HADHA: variants seen among roughly 807,000 people sequenced by gnomAD.
The protein encoded by HADHA is trifunctional enzyme subunit alpha, mitochondrial.
A neutral mutation model predicts 91.3 loss-of-function variants in HADHA; 59 were observed. That is an observed-to-expected ratio of 0.65 (90% CI 0.52 to 0.80). HADHA has a LOEUF of 0.80. Ranked by LOEUF, HADHA falls within the 30% of genes least tolerant of loss-of-function variation. HADHA has a pLI of 0.00. For missense variants in HADHA, 800 were observed against 927.6 expected, an observed-to-expected ratio of 0.86 and a Z score of 1.79; for synonymous variants, 320 against 338.9, an observed-to-expected ratio of 0.94 and a Z score of 0.61.
Position 26,232,254 on chromosome 2 carries a change from A to ATT in HADHA, c.477_478dup (p.Ile160LysfsTer2), listed in dbSNP as rs1558329269. Reference sequence around the variant, plus strand: ...TACTGTTTTTCTGTCTTTTGTTGCTATTCTGTATTGGCATGAAATGGCAAC... The same window carrying ATT: ...TACTGTTTTTCTGTCTTTTGTTGCTATTTTCTGTATTGGCATGAAATGGCAAC... On this transcript the variant is annotated frameshift_variant, in exon 6 of 20. Transcript: ENST00000380649. LOFTEE classifies it high-confidence loss of function. 1.2e-6 allele frequency: 2 copies of ATT among 1,602,972 alleles called. No homozygotes were observed. The highest frequency in any genetic ancestry group is 1.7e-6 in the Non-Finnish European group (2 of 1,169,946).
At position 26,191,465 on chromosome 2, in the gene HADHA, C is replaced by A. The variant is rs200961004; in HGVS notation, c.2146+18G>T. On this transcript the variant is annotated intron_variant, in intron 19 of 19. Transcript: ENST00000380649. Reference sequence around the variant, plus strand: ...CTCCAGGCTAAAGTGAGCTTCCTTCCCAACCTGCGAGACCAACCTCCCAGA... The same window carrying A: ...CTCCAGGCTAAAGTGAGCTTCCTTCACAACCTGCGAGACCAACCTCCCAGA... 6.2e-7 allele frequency: 1 copy of A among 1,614,194 alleles called. No individual in the cohort carries two copies. The highest frequency in any genetic ancestry group is 8.5e-7 in the Non-Finnish European group (1 of 1,180,040).
At position 26,223,993 on chromosome 2, in the gene HADHA, C is replaced by T. The variant is rs1415806291; in HGVS notation, c.676+6199G>A. On this transcript the variant is annotated intron_variant, in intron 7 of 19. Coordinates refer to ENST00000380649, the MANE Select transcript of HADHA (RefSeq NM_000182.5). ...AACTCCTGACCTCAGGTGATCTGCC[C>T]GCCTTGGCCTCCCAAAGTGCTGGTA... is the stretch of plus-strand genomic sequence containing the variant. Among the ~76,000 whole-genome samples, 8 of 152,194 alleles carry T rather than the reference C, an allele frequency of 5.3e-5. No individual in the cohort carries two copies. The East Asian group carries it at 9.6e-4, about 18-fold the overall frequency.
rs267599302 is a variant in HADHA, at chr2:26,191,523, G to A, written c.2106C>T (p.Ile702=). The A allele has an allele frequency of 1.1e-5, 17 of 1,614,060 alleles. No homozygotes were observed. The highest frequency in any genetic ancestry group is 9.3e-5 in the African/African-American group (7 of 74,936). ...GILATPAEGD[I]GAVFGLGFPP... is the part of the protein sequence containing the mutation. ...GGAAGCCAAGCCCAAAGACGGCTCC[G>A]ATGTCTCCCTCTGCAGGTGTGGCCA... is the stretch of plus-strand genomic sequence containing the variant. The change falls in exon 19 of 20, where the codon ATC becomes ATT. Residue 702 remains isoleucine, a synonymous_variant. Transcript: ENST00000380649.
chr2:26,230,296 T>A lies in HADHA; in HGVS notation c.574-2A>T. ...GTCCAAAGCAGCAGGCACACCCACCTAACAGGCAAGCAAGGATGAGAATAT... is the reference window on the plus strand; with the variant it reads ...GTCCAAAGCAGCAGGCACACCCACCAAACAGGCAAGCAAGGATGAGAATAT... On this transcript the variant is annotated splice_acceptor_variant, in intron 6 of 19. Coordinates refer to ENST00000380649, the MANE Select transcript of HADHA (RefSeq NM_000182.5). LOFTEE classifies it high-confidence loss of function. The A allele has an allele frequency of 6.3e-7, 1 of 1,592,926 alleles. No homozygotes were observed. The highest frequency in any genetic ancestry group is 8.6e-7 in the Non-Finnish European group (1 of 1,160,916).
chr2:26,201,788 C>CT lies in HADHA; in HGVS notation c.1221-469dup, dbSNP rs112691372. Among the ~76,000 whole-genome samples, 418 of 145,118 alleles carry CT rather than the reference C, an allele frequency of 2.9e-3. 2 individuals carry two copies. Among genetic ancestry groups the CT allele is most frequent in the South Asian group, 0.012 (55 of 4,600 alleles). On this transcript the variant is annotated intron_variant, in intron 12 of 19. Coordinates refer to ENST00000380649, the MANE Select transcript of HADHA (RefSeq NM_000182.5). The stretch of plus-strand genomic sequence containing the variant: ...TTTTATGTTATTCTGTAGTTGTAAT[C>CT]TTTTTTTTTTTTTATTTATTTTTTG...
At chr2:26,218,984 G>T (rs1670303110) in intron 7 of HADHA, among the ~76,000 whole-genome samples, 1 of 104,582 alleles carries the variant, frequency 9.6e-6, no homozygotes, top group Non-Finnish European at 1.8e-5. Context: ...TCCAGCCTGG[G>T]CAACAGAGCA....
Position 26,214,552 on chromosome 2 carries a change from G to T in HADHA, c.809C>A (p.Ala270Glu). ...GACAAATGGAATAGTCATGGCATAC[G>T]CTGTCAATTCTGTAAAATAAAATGC... Reference protein sequence around the residue: ...RDKGLVEKLTAYAMTIPFVRQ... With the variant: ...RDKGLVEKLTEYAMTIPFVRQ... Residue 270 changes from alanine (A) to glutamate (E), a missense_variant, in exon 9 of 20, where the codon GCG becomes GAG. By Grantham distance (107) the Ala-to-Glu change is moderately radical. Coordinates refer to ENST00000380649, the MANE Select transcript of HADHA (RefSeq NM_000182.5). The surrounding 1 kb of genome is among the most constrained non-coding windows in gnomAD (Gnocchi z 4.1). The T allele has an allele frequency of 1.3e-6, 2 of 1,557,036 alleles. No homozygotes were observed. The highest frequency in any genetic ancestry group is 1.8e-6 in the Non-Finnish European group (2 of 1,128,196).
Position 26,191,315 on chromosome 2 carries a change from G to C in HADHA, c.2227C>G (p.Gln743Glu), listed in dbSNP as rs1353055974. The C allele has an allele frequency of 7.4e-6, 12 of 1,613,764 alleles. No homozygotes were observed. The highest frequency in any genetic ancestry group is 9.3e-6 in the Non-Finnish European group (11 of 1,180,008). The change falls in exon 20 of 20, where the codon CAG becomes GAG. Residue 743 changes from glutamine to glutamate, a missense_variant. Gln to Glu is a conservative substitution (Grantham distance 29). Coordinates refer to ENST00000380649, the MANE Select transcript of HADHA (RefSeq NM_000182.5). ...LKKYEAAYGKQFTPCQLLADH... is the reference protein window; with the variant it reads ...LKKYEAAYGKEFTPCQLLADH... Reference sequence around the variant, plus strand: ...GCTAGCAGCTGGCATGGGGTGAACTGTTTTCCATAGGCAGCTTCATATTTC... The same window carrying C: ...GCTAGCAGCTGGCATGGGGTGAACTCTTTTCCATAGGCAGCTTCATATTTC...
chr2:26,195,338 T>A lies in HADHA; in HGVS notation c.1480-106A>T, dbSNP rs559155673. The A allele has an allele frequency of 3.1e-6, 3 of 964,142 alleles. No individual in the cohort carries two copies. In the African/African-American group the frequency reaches 4.8e-5, roughly 15 times the overall value. The allele number at this position is 964,142 out of a possible 1,614,324, so 59.7% of individuals were successfully genotyped here. A position where few individuals can be genotyped will look rare whatever the true frequency, so the allele number is the denominator to read the frequency against. On this transcript the variant is annotated intron_variant, in intron 14 of 19. Transcript: ENST00000380649. The stretch of plus-strand genomic sequence containing the variant: ...ACTAGAAAGAAAGGTGGCTGTGATA[T>A]AGGAATACTGCTTGACATAGCTGAG...
In HADHA at chr2:26,193,456, G is replaced by A. The variant is rs757719285; in HGVS notation, c.1885+121C>T. The A allele has an allele frequency of 1.4e-4, 119 of 873,870 alleles. No individual in the cohort carries two copies. The Middle Eastern group carries it at 3.7e-3, about 27-fold the overall frequency. The allele number at this position is 873,870 out of a possible 1,614,324, so 54.1% of individuals were successfully genotyped here. On this transcript the variant is annotated intron_variant, in intron 17 of 19. Coordinates refer to ENST00000380649, the MANE Select transcript of HADHA (RefSeq NM_000182.5). ...TAAAATCATTTTTGAAATCGCCAGT[G>A]ATAAGGGCTCTGTGTTTAGAAAACT...
At position 26,217,857 on chromosome 2, in the gene HADHA, T is replaced by C. The variant is rs1670277892; in HGVS notation, c.677-2682A>G. 3.9e-5 allele frequency among the ~76,000 whole-genome samples: 6 copies of C among 152,126 alleles called. No homozygotes were observed. In the South Asian group the frequency reaches 1.2e-3, roughly 32 times the overall value. On this transcript the variant is annotated intron_variant, in intron 7 of 19. Transcript: ENST00000380649. Reference sequence around the variant, plus strand: ...AGAAGTTCGGGGCTTCAGTGAGTTATGATCATACCACTGCACTTTAACCTG... The same window carrying C: ...AGAAGTTCGGGGCTTCAGTGAGTTACGATCATACCACTGCACTTTAACCTG...
Position 26,214,903 on chromosome 2 carries a change from G to A in HADHA, c.799+150C>T. ...ATTGGCTTTAACTGGATAGTGTAAA[G>A]TTGAGGAGTTGTTACATCTCCTACC... On this transcript the variant is annotated intron_variant, in intron 8 of 19. Coordinates refer to ENST00000380649, the MANE Select transcript of HADHA (RefSeq NM_000182.5). The surrounding 1 kb of genome is among the most constrained non-coding windows in gnomAD (Gnocchi z 4.1). The A allele has an allele frequency of 1.2e-6, 1 of 807,518 alleles. No homozygotes were observed. Among genetic ancestry groups the A allele is most frequent in the South Asian group, 1.4e-5 (1 of 71,390 alleles). The allele number at this position is 807,518 out of a possible 1,614,324, so 50.0% of individuals were successfully genotyped here. A position where few individuals can be genotyped will look rare whatever the true frequency, so the allele number is the denominator to read the frequency against.
chr2:26,203,277 CA>C (rs1367901487), intron 12 of HADHA, among the ~76,000 whole-genome samples: 2 of 152,140 alleles, frequency 1.3e-5, no homozygotes, highest in Admixed American at 1.3e-4. Flanking sequence ...ATTTAAGAAA[CA>C]AAAAAGCTCA....
chr2:26,212,564 G>A lies in HADHA; in HGVS notation c.975+6C>T, dbSNP rs766717752. 18 of 1,530,872 alleles carry A rather than the reference G, an allele frequency of 1.2e-5. No homozygotes were observed. The African/African-American group carries it at 1.9e-4, about 16-fold the overall frequency. The allele number at this position is 1,530,872 out of a possible 1,614,324, so 94.8% of individuals were successfully genotyped here. On this transcript the variant is annotated splice_donor_region_variant and intron_variant, in intron 10 of 19. Transcript: ENST00000380649. ...ATAATAAAACATTGAAAGGAAATAA[G>A]TTTACCTGAGATTCACAGAGATAAC...
Position 26,214,397 on chromosome 2 carries a change from A to G in HADHA, c.918+46T>C. On this transcript the variant is annotated intron_variant, in intron 9 of 19. Coordinates refer to ENST00000380649, the MANE Select transcript of HADHA (RefSeq NM_000182.5). This position sits in a 1 kb window ranked among gnomAD's most constrained non-coding sequence, Gnocchi z 4.1. ...GGCAATAAGGAGGAGTGATCTATAT[A>G]AAGGAAGGAAATATGAGAAAAGTGG... The G allele has an allele frequency of 1.1e-6, 1 of 910,742 alleles. No homozygotes were observed. The highest frequency in any genetic ancestry group is 1.9e-6 in the Non-Finnish European group (1 of 538,790). The allele number at this position is 910,742 out of a possible 1,614,324, so 56.4% of individuals were successfully genotyped here.
intron 12 of HADHA, among the ~76,000 whole-genome samples, chr2:26,203,526 T>C (rs574183202): frequency 1.3e-5 from 2 of 152,292 alleles, no homozygotes; most frequent in East Asian, 1.9e-4. Context: ...CCCCAGACAC[T>C]GTGGAGGGAT....
chr2:26,241,084 A>C (rs181763659), intron 1 of HADHA, among the ~76,000 whole-genome samples: 253 of 152,314 alleles, frequency 1.7e-3, no homozygotes, highest in Middle Eastern at 3.4e-3. Flanking sequence ...ACTTTAGCCT[A>C]CATCTACTGT....
chr2:26,230,727 C>A (rs1027622623), intron 6 of HADHA, among the ~76,000 whole-genome samples: 1 of 152,012 alleles, frequency 6.6e-6, no homozygotes. Context: ...TGAGACCAGC[C>A]TGGCCCGACA....
Position 26,192,371 on chromosome 2 carries a change from C to G in HADHA, c.1939G>C (p.Asp647His), listed in dbSNP as rs1669533378. The G allele has an allele frequency of 6.2e-7, 1 of 1,611,108 alleles. No homozygotes were observed. Among genetic ancestry groups the G allele is most frequent in the African/African-American group, 1.3e-5 (1 of 74,878 alleles). Reference protein sequence around the residue: ...YIYQEGVKRKDLNSDMDSILA... With the variant: ...YIYQEGVKRKHLNSDMDSILA... ...ATACTATCCATGTCAGAATTCAAAT[C>G]CTTCCTCTTCACACCCTCCTGATAG... Residue 647 changes from aspartate to histidine, a missense_variant, in exon 18 of 20, where the codon GAT becomes CAT. By Grantham distance (81) the Asp-to-His change is moderately conservative. Transcript: ENST00000380649.
Sources: allele counts gnomAD v4.1 joint callset (sites outside exome capture counted in the v4.1 genomes callset), GRCh38; gene constraint gnomAD v4.1.1; non-coding constraint Gnocchi (gnomAD v3.1); transcripts MANE v1.5; gene names NCBI Gene and HGNC (gene_info 2026-07-23, HGNC 2026-07-21).